Variants in FAM117B observed in about 807,000 individuals in gnomAD.
FAM117B encodes family with sequence similarity 117 member B, also known as protein FAM117B.
A neutral mutation model predicts 52.8 loss-of-function variants in FAM117B; 22 were observed. The ratio of observed to expected loss-of-function variants is 0.42; its 90% CI spans 0.30 to 0.59. FAM117B has a LOEUF of 0.59. Among genes scored for constraint, FAM117B ranks in the 20% least tolerant of loss-of-function variants. The pLI is 0.22. For missense variants in FAM117B, 678 were observed against 802.6 expected (o/e 0.84, Z 1.88); for synonymous variants, 309 against 324.1 (o/e 0.95, Z 0.50).
intron 1 of FAM117B, among the ~76,000 whole-genome samples, chr2:202,683,622 T>C (rs1406967510): frequency 1.3e-5 from 2 of 152,074 alleles, no homozygotes; most frequent in African/African-American, 4.8e-5. Context: ...CAGGAAGAAA[T>C]AGAAAACTTG....
At chr2:202,661,096 A>T (rs1304266088) in intron 1 of FAM117B, among the ~76,000 whole-genome samples, 1 of 152,176 alleles carries the variant, frequency 6.6e-6, no homozygotes, top group Non-Finnish European at 1.5e-5. Context: ...GACATATGGG[A>T]GGGGGAAAAA....
chr2:202,761,873 C>T (rs906894903), intron 7 of FAM117B, among the ~76,000 whole-genome samples: 1 of 151,754 alleles, frequency 6.6e-6, no homozygotes, highest in Non-Finnish European at 1.5e-5. Context: ...GAAGGTAAAC[C>T]TATTCTTTTT....
intron 4 of FAM117B, among the ~76,000 whole-genome samples, chr2:202,730,633 GCACTCCAGTTGGGGGAGATAGAGTT>G (rs1691326696): frequency 6.6e-6 from 1 of 152,176 alleles, no homozygotes; most frequent in Admixed American, 6.5e-5. Flanking sequence ...TTGCACCACT[GCACTCCAGTTGGGGGAGATAGAGTT>G]CTCTAAATAA....
intron 4 of FAM117B, among the ~76,000 whole-genome samples, chr2:202,749,472 C>G (rs1349798135): frequency 6.6e-6 from 1 of 151,100 alleles, no homozygotes; most frequent in Non-Finnish European, 1.5e-5. Flanking sequence ...GTTCAGAACA[C>G]TAGGTACGAT....
intron 1 of FAM117B, among the ~76,000 whole-genome samples, chr2:202,644,064 G>GTTTTTTTTTTTTTTTTTTT (rs1161026426): frequency 1.5e-4 from 14 of 95,162 alleles, no homozygotes; most frequent in East Asian, 3.3e-4. Context: ...TTTTTTTTTT[G>GTTTTTTTTTTTTTTTTTTT]TTTTTTTTTT....
At chr2:202,672,190 A>C (rs1690308952) in intron 1 of FAM117B, among the ~76,000 whole-genome samples, 1 of 152,170 alleles carries the variant, frequency 6.6e-6, no homozygotes, top group Non-Finnish European at 1.5e-5. Flanking sequence ...CATATAATTA[A>C]TTACTATTTT....
chr2:202,670,967 T>C (rs757636608), intron 1 of FAM117B, among the ~76,000 whole-genome samples: 10 of 152,252 alleles, frequency 6.6e-5, no homozygotes, highest in African/African-American at 2.4e-4. Context: ...TTGCCAAATA[T>C]GCAAAGCTTT....
intron 7 of FAM117B, among the ~76,000 whole-genome samples, chr2:202,763,099 T>A: frequency 7.5e-6 from 1 of 133,852 alleles, no homozygotes; most frequent in African/African-American, 2.9e-5. Flanking sequence ...TGAGACAGAG[T>A]CTCACTCTGT....
At position 202,678,447 on chromosome 2, in the gene FAM117B, G is replaced by A. The variant is rs192391170; in HGVS notation, c.602-17434G>A. On this transcript the variant is annotated intron_variant, in intron 1 of 7. Coordinates refer to ENST00000392238, the MANE Select transcript of FAM117B (RefSeq NM_173511.4). ...CACCCTAGCCTCTTAATATGCAAAT[G>A]CAGGGTGCTATGATGTTCTACATAC... 3.6e-3 allele frequency among the ~76,000 whole-genome samples: 545 copies of A among 152,314 alleles called. 5 individuals are homozygous for A. The highest frequency in any genetic ancestry group is 5.3e-3 in the Non-Finnish European group (358 of 68,028).
intron 2 of FAM117B, among the ~76,000 whole-genome samples, chr2:202,717,992 C>A (rs1258971315): frequency 6.6e-6 from 1 of 151,826 alleles, no homozygotes; most frequent in Admixed American, 6.6e-5. Flanking sequence ...GCACTCAGAC[C>A]ACAAGATGCA....
intron 1 of FAM117B, among the ~76,000 whole-genome samples, chr2:202,674,028 C>A (rs193175885): frequency 1.4e-3 from 211 of 152,174 alleles, no homozygotes; most frequent in Non-Finnish European, 2.6e-3. Context: ...TCCCTGCACC[C>A]CCCCCACCTC....
At chr2:202,637,533 C>T (rs563047200) in intron 1 of FAM117B, among the ~76,000 whole-genome samples, 19 of 152,062 alleles carry the variant, frequency 1.2e-4, no homozygotes, top group Non-Finnish European at 2.5e-4. Flanking sequence ...CTAGGATTGC[C>T]CAGCCCAGAG....
intron 4 of FAM117B, among the ~76,000 whole-genome samples, chr2:202,731,340 T>TATATATATATAC (rs1160173847): frequency 8.6e-6 from 1 of 116,862 alleles, no homozygotes; most frequent in Non-Finnish European, 1.8e-5. Context: ...GGAATATATA[T>TATATATATATAC]ATATATATAT....
chr2:202,648,525 C>CA (rs1367155629), intron 1 of FAM117B, among the ~76,000 whole-genome samples: 3 of 131,112 alleles, frequency 2.3e-5, no homozygotes, highest in Non-Finnish European at 4.9e-5. Flanking sequence ...CCCACCCCCC[C>CA]CCCAAAACAA....
Position 202,766,104 on chromosome 2 carries a change from A to ACC in FAM117B, c.*341_*342insCC, listed in dbSNP as rs1553526401. 2.5e-5 allele frequency: 5 copies of ACC among 199,104 alleles called. No homozygotes were observed. Among genetic ancestry groups the ACC allele is most frequent in the Non-Finnish European group, 4.9e-5 (5 of 101,486 alleles). The allele number at this position is 199,104 out of a possible 1,614,324, so 12.3% of individuals were successfully genotyped here. A position where few individuals can be genotyped will look rare whatever the true frequency, so the allele number is the denominator to read the frequency against. Reference sequence around the variant, plus strand: ...CACACACACACACACACACACACACACACCCCTGATCCTTGCCAACATGAT... The same window carrying ACC: ...CACACACACACACACACACACACACACCCACCCCTGATCCTTGCCAACATGAT... On this transcript the variant is annotated 3_prime_UTR_variant, in exon 8 of 8. Coordinates refer to ENST00000392238, the MANE Select transcript of FAM117B (RefSeq NM_173511.4).
chr2:202,687,984 A>C (rs151023838), intron 1 of FAM117B, among the ~76,000 whole-genome samples: 1 of 152,340 alleles, frequency 6.6e-6, no homozygotes, highest in East Asian at 1.9e-4. Context: ...GAGAAGATGC[A>C]AAATTAGAAA....
chr2:202,726,794 G>A (rs932614723), intron 4 of FAM117B, among the ~76,000 whole-genome samples: 2 of 152,104 alleles, frequency 1.3e-5, no homozygotes, highest in Non-Finnish European at 2.9e-5. Flanking sequence ...GTGGGCTGGG[G>A]CGATGGGAGA....
At chr2:202,726,644 A>T (rs1691249552) in intron 4 of FAM117B, among the ~76,000 whole-genome samples, 1 of 152,192 alleles carries the variant, frequency 6.6e-6, no homozygotes, top group Admixed American at 6.6e-5. Flanking sequence ...TGGAGGCAGA[A>T]TGACACAGAG....
intron 1 of FAM117B, among the ~76,000 whole-genome samples, chr2:202,641,475 C>T (rs12328966): frequency 0.09 from 13,699 of 152,132 alleles, 2,070 homozygotes; most frequent in African/African-American, 0.31. Context: ...AGGGTTCAGA[C>T]CCTGGAGTTG....
Sources: gnomAD v4.1 joint callset for allele counts (sites outside exome capture counted in the v4.1 genomes callset) on GRCh38, gnomAD v4.1.1 for gene constraint, MANE v1.5 for transcripts, NCBI Gene and HGNC (gene_info 2026-07-23, HGNC 2026-07-21) for gene names.